Variants in MYEF2 observed in about 807,000 individuals in gnomAD.
MYEF2 encodes the protein myelin gene expression factor 2.
Under a neutral mutation model 75.2 loss-of-function variants are expected in MYEF2, and 37 were observed. The observed-to-expected ratio is 0.49, with a 90% CI of 0.38 to 0.65. The LOEUF (loss-of-function observed/expected upper bound fraction) is 0.65, where lower values mean the gene tolerates loss of function less well. Among genes scored for constraint, MYEF2 ranks in the 30% least tolerant of loss-of-function variants. The pLI is 0.00. For missense variants in MYEF2, 634 were observed against 771.4 expected (o/e 0.82, Z 2.11); for synonymous variants, 195 against 241.6 (o/e 0.81, Z 1.79).
rs148920948 is a variant in MYEF2, at chr15:48,140,439, G to A, written c.*2469C>T. ...TTTCAATTACAACATTAAAGGAACA[G>A]TTACATAACCTTTTGTTTAACTTCT... On this transcript the variant is annotated 3_prime_UTR_variant, in exon 17 of 17. Transcript: ENST00000324324. 1 of 152,192 alleles carries A rather than the reference G, an allele frequency of 6.6e-6. No individual in the cohort carries two copies. The highest frequency in any genetic ancestry group is 1.9e-4 in the East Asian group (1 of 5,188). The allele number at this position is 152,192 out of a possible 1,614,324, so 9.4% of individuals were successfully genotyped here. A position where few individuals can be genotyped will look rare whatever the true frequency, so the allele number is the denominator to read the frequency against.
At chr15:48,151,825 T>C (rs1261656290) in intron 12 of MYEF2, 49 bp downstream of exon 12, 18 of 1,577,812 alleles carry the variant, frequency 1.1e-5, no homozygotes, top group South Asian at 3.3e-5. Flanking sequence ...ATATTAATAA[T>C]AGGGAAAACT....
At chr15:48,159,412 T>C (rs1486856545) in intron 6 of MYEF2, among the ~76,000 whole-genome samples, 2 of 152,130 alleles carry the variant, frequency 1.3e-5, no homozygotes, top group Non-Finnish European at 2.9e-5. Flanking sequence ...CAAATAGTTG[T>C]ATTTAAACTC....
chr15:48,168,828 T>A lies in MYEF2; in HGVS notation c.173A>T (p.Glu58Val), dbSNP rs1225192568. ...GTCAGATTTCTCTTCTTTTGCTGAT[T>A]CATCATTCTCCCTGTGAATTAAAAA... is the stretch of plus-strand genomic sequence containing the variant. ...SSNGVKMEND[E>V]SAKEEKSDLK... Residue 58 changes from glutamate (E) to valine (V), a missense_variant, in exon 2 of 17, where the codon GAA becomes GTA. Transcript: ENST00000324324. 1.2e-6 allele frequency: 2 copies of A among 1,611,444 alleles called. No homozygotes were observed. The highest frequency in any genetic ancestry group is 2.7e-5 in the African/African-American group (2 of 74,788).
intron 16 of MYEF2, among the ~76,000 whole-genome samples, chr15:48,145,092 C>T (rs145973392): frequency 1.3e-5 from 2 of 151,922 alleles, no homozygotes; most frequent in Non-Finnish European, 3.0e-5. Context: ...CCTGACCTCA[C>T]AATGACCTCA....
rs1290287629 is a variant in MYEF2 at position 48,151,915 on chromosome 15, A to T, written c.1166T>A (p.Met389Lys). ...TCCTCCAAATCCTCCCATGCTATTC[A>T]TTGCTTCCAGACCACCAAACCCTAT... ...GGIGFGGLEA[M>K]NSMGGFGGVG... The change falls in exon 12 of 17, where the codon ATG (methionine) becomes AAG (lysine). Residue 389 changes from methionine to lysine, a missense_variant. Physicochemically the swap from Met to Lys is moderately conservative, Grantham distance 95. Coordinates refer to ENST00000324324, the MANE Select transcript of MYEF2 (RefSeq NM_016132.5). 6.2e-7 allele frequency: 1 copy of T among 1,613,514 alleles called. No homozygotes were observed. The highest frequency in any genetic ancestry group is 2.2e-5 in the East Asian group (1 of 44,858).
intron 9 of MYEF2, among the ~76,000 whole-genome samples, chr15:48,154,320 T>G (rs1246966206): frequency 6.6e-6 from 1 of 152,142 alleles, no homozygotes; most frequent in African/African-American, 2.4e-5. Flanking sequence ...TCAATAACCA[T>G]GAAAGTATAA....
At position 48,142,351 on chromosome 15, in the gene MYEF2, A is replaced by G. The variant is rs925677408; in HGVS notation, c.*557T>C. ...ATAAAATAAGGGGCTGTGGAGGTTGATATTATTAATAGTGTTATGCAGAAA... is the reference window on the plus strand; with the variant it reads ...ATAAAATAAGGGGCTGTGGAGGTTGGTATTATTAATAGTGTTATGCAGAAA... On this transcript the variant is annotated 3_prime_UTR_variant, in exon 17 of 17. Coordinates refer to ENST00000324324, the MANE Select transcript of MYEF2 (RefSeq NM_016132.5). 2 of 1,574,372 alleles carry G rather than the reference A, an allele frequency of 1.3e-6. No individual in the cohort carries two copies. Among genetic ancestry groups the G allele is most frequent in the Admixed American group, 1.8e-5 (1 of 56,242 alleles).
chr15:48,146,065 G>A (rs1228360799), intron 16 of MYEF2, among the ~76,000 whole-genome samples: 1 of 151,842 alleles, frequency 6.6e-6, no homozygotes, highest in Non-Finnish European at 1.5e-5. Flanking sequence ...GCTTATAGCA[G>A]GAATAACTGA....
In MYEF2 at chr15:48,165,793, T is replaced by C. The variant is rs150993568; in HGVS notation, c.525+140A>G. ...ATAAAATCATGTACAAGTAAAACTTTCGTCAATATATAATGCTTTAATGAA... is the reference window on the plus strand; with the variant it reads ...ATAAAATCATGTACAAGTAAAACTTCCGTCAATATATAATGCTTTAATGAA... On this transcript the variant is annotated intron_variant, in intron 5 of 16. Transcript: ENST00000324324. 1.0e-3 allele frequency: 568 copies of C among 546,422 alleles called. 6 individuals are homozygous for C. The East Asian group carries it at 0.017, about 16-fold the overall frequency. 33.8% of individuals were successfully genotyped at this position (546,422 alleles called of 1,614,324 possible). A position where few individuals can be genotyped will look rare whatever the true frequency, so the allele number is the denominator to read the frequency against.
At chr15:48,167,229 G>C (rs2040164374) in intron 3 of MYEF2, 120 bp downstream of exon 3, 2 of 958,896 alleles carry the variant, frequency 2.1e-6, no homozygotes, top group Non-Finnish European at 3.2e-6. Flanking sequence ...CTCAAATCTT[G>C]CATAATAAAG....
chr15:48,142,243 A>G lies in MYEF2; in HGVS notation c.*665T>C, dbSNP rs377139913. On this transcript the variant is annotated 3_prime_UTR_variant, in exon 17 of 17. Transcript: ENST00000324324. ...ACTTCAATGGCTGGAAACTAGACAG[A>G]AAGTTGGGAATAGTCTGCCTATTAT... is the stretch of plus-strand genomic sequence containing the variant. 2 of 1,613,656 alleles carry G rather than the reference A, an allele frequency of 1.2e-6. No individual in the cohort carries two copies. The highest frequency in any genetic ancestry group is 2.2e-5 in the East Asian group (1 of 44,816).
At chr15:48,157,619 TA>T in intron 9 of MYEF2, 1 of 383,744 alleles carries the variant, frequency 2.6e-6, no homozygotes, top group Non-Finnish European at 3.6e-6. Context: ...AATTCAAAAT[TA>T]TTTTTGTTCC....
rs558072204 is a variant in MYEF2, at chr15:48,177,337, GA to G, written c.161+739del. 4.1e-3 allele frequency among the ~76,000 whole-genome samples: 603 copies of G among 147,924 alleles called. 7 individuals are homozygous for G. Among genetic ancestry groups the G allele is most frequent in the African/African-American group, 0.014 (575 of 40,306 alleles). On this transcript the variant is annotated intron_variant, in intron 1 of 16. Transcript: ENST00000324324. ...ACCTTAAAAGTCTTCCTTCATTTGGGAAAAAAAAAATCTTAACCATCTATTA... is the reference window on the plus strand; with the variant it reads ...ACCTTAAAAGTCTTCCTTCATTTGGGAAAAAAAAATCTTAACCATCTATTA...
At chr15:48,177,565 A>G (rs940656255) in intron 1 of MYEF2, among the ~76,000 whole-genome samples, 2 of 152,226 alleles carry the variant, frequency 1.3e-5, no homozygotes, top group South Asian at 2.1e-4. Flanking sequence ...CAGTTTAAAA[A>G]TGAACATACA....
Position 48,166,114 on chromosome 15 carries a change from T to C in MYEF2, c.431+7A>G. The C allele has an allele frequency of 6.3e-7, 1 of 1,578,562 alleles. No homozygotes were observed. Among genetic ancestry groups the C allele is most frequent in the Non-Finnish European group, 8.6e-7 (1 of 1,159,132 alleles). ...GACTTAAGATACTTAAAGAAAAAAT[T>C]TCTTACCCACAACCCTATATCCAGG... On this transcript the variant is annotated splice_region_variant and intron_variant, in intron 4 of 16. Transcript: ENST00000324324.
At chr15:48,169,802 TG>T (rs912575650) in intron 1 of MYEF2, 1 of 152,222 alleles carries the variant, frequency 6.6e-6, no homozygotes, top group Non-Finnish European at 1.5e-5. Flanking sequence ...TTCATCATCT[TG>T]GCCAGGCTGA....
rs1333528461 is a variant in MYEF2 at position 48,142,891 on chromosome 15, C to T, written c.*17G>A. 3 of 1,584,736 alleles carry T rather than the reference C, an allele frequency of 1.9e-6. No individual in the cohort carries two copies. The highest frequency in any genetic ancestry group is 1.7e-6 in the Non-Finnish European group (2 of 1,167,818). ...TCAGCAAAACAGATGTAGGAATGTT[C>T]CAACCATGGCTTGAAATTATGCATT... On this transcript the variant is annotated 3_prime_UTR_variant, in exon 17 of 17. Transcript: ENST00000324324.
chr15:48,145,374 A>T (rs1037877043), intron 16 of MYEF2, among the ~76,000 whole-genome samples: 1 of 151,906 alleles, frequency 6.6e-6, no homozygotes, highest in Non-Finnish European at 1.5e-5. Flanking sequence ...ATTAAAATCA[A>T]ACCTGCCTGA....
chr15:48,160,120 A>C (rs1023050566), intron 5 of MYEF2, among the ~76,000 whole-genome samples: 1 of 152,094 alleles, frequency 6.6e-6, no homozygotes, highest in Non-Finnish European at 1.5e-5. Flanking sequence ...AGAGCGAAGT[A>C]CTCACTGCAA....
Sources: allele counts gnomAD v4.1 joint callset (sites outside exome capture counted in the v4.1 genomes callset), GRCh38; gene constraint gnomAD v4.1.1; transcripts MANE v1.5; gene names NCBI Gene and HGNC (gene_info 2026-07-23, HGNC 2026-07-21).